The following ADGRL2 variants were observed in gnomAD, a reference collection of about 807,000 sequenced individuals.
ADGRL2 encodes adhesion G protein-coupled receptor L2.
In ADGRL2, 44 loss-of-function variants were observed where a neutral mutation model predicts 157.4. The ratio of observed to expected loss-of-function variants is 0.28; its 90% CI spans 0.22 to 0.36. The LOEUF is 0.36. ADGRL2 is among the 10% of genes least tolerant of loss of function. The pLI is 1.00. For missense variants in ADGRL2, 1,510 were observed against 1,768.9 expected, an observed-to-expected ratio of 0.85 and a Z score of 2.63; for synonymous variants, 585 against 624.7, an observed-to-expected ratio of 0.94 and a Z score of 0.95.
At chr1:81,782,500 T>C (rs1280153290) in intron 2 of ADGRL2, among the ~76,000 whole-genome samples, 2 of 152,204 alleles carry the variant, frequency 1.3e-5, no homozygotes, top group African/African-American at 4.8e-5. Flanking sequence ...TAACTAGTAA[T>C]AGATGTTAGT....
intron 2 of ADGRL2, among the ~76,000 whole-genome samples, chr1:81,856,903 T>C (rs1172188838): frequency 6.6e-6 from 1 of 152,186 alleles, no homozygotes; most frequent in African/African-American, 2.4e-5. Context: ...TGTTTAATCA[T>C]TAAATAATAA....
chr1:81,986,753 G>A, intron 21 of ADGRL2, 148 bp from the exon 22 acceptor site: 1 of 723,016 alleles, frequency 1.4e-6, no homozygotes, highest in Non-Finnish European at 2.3e-6. Context: ...TTCAAATACA[G>A]TCAGAACATT....
intron 2 of ADGRL2, among the ~76,000 whole-genome samples, chr1:81,874,473 ATAAAT>A (rs1411580219): frequency 6.6e-6 from 1 of 152,200 alleles, no homozygotes; most frequent in Non-Finnish European, 1.5e-5. Flanking sequence ...GAAATTAGTC[ATAAAT>A]TAAATTGTTA....
chr1:81,501,661 C>T (rs571955639), intron 2 of ADGRL2: 46 of 1,448,408 alleles, frequency 3.2e-5, no homozygotes, highest in Non-Finnish European at 4.0e-5. Context: ...CCGCCTCCTC[C>T]GCCACCCGAA....
intron 1 of ADGRL2, among the ~76,000 whole-genome samples, chr1:81,319,159 C>T (rs181162154): frequency 6.6e-6 from 1 of 151,250 alleles, no homozygotes; most frequent in East Asian, 1.9e-4. Flanking sequence ...GTTGGTCAGG[C>T]TGGTCTTGAA....
chr1:81,586,627 A>T (rs1210391897), intron 3 of ADGRL2, among the ~76,000 whole-genome samples: 1 of 152,146 alleles, frequency 6.6e-6, no homozygotes, highest in East Asian at 1.9e-4. Context: ...TTATTTAGAA[A>T]AAGCTAAAAA....
chr1:81,693,305 C>T (rs1011452926), intron 3 of ADGRL2, among the ~76,000 whole-genome samples: 19 of 152,304 alleles, frequency 1.2e-4, no homozygotes, highest in Non-Finnish European at 1.8e-4. Context: ...CTTAAAGTTC[C>T]CCTGCTCTCT....
chr1:81,466,532 C>T (rs1376342023), intron 2 of ADGRL2, among the ~76,000 whole-genome samples: 1 of 152,140 alleles, frequency 6.6e-6, no homozygotes, highest in Non-Finnish European at 1.5e-5. Flanking sequence ...TTGCTATAAC[C>T]ACTTCTCAGT....
At chr1:81,426,256 G>C (rs1215432842) in intron 1 of ADGRL2, among the ~76,000 whole-genome samples, 3 of 152,170 alleles carry the variant, frequency 2.0e-5, no homozygotes, top group African/African-American at 7.2e-5. Flanking sequence ...TATAGGGCAA[G>C]ACACCTGTCA....
intron 1 of ADGRL2, among the ~76,000 whole-genome samples, chr1:81,344,076 A>C (rs906564569): frequency 5.3e-5 from 8 of 151,968 alleles, no homozygotes; most frequent in African/African-American, 1.9e-4. Context: ...AGAAAAAAAA[A>C]TTTTTCTTTT....
chr1:81,436,501 G>A (rs6692307), intron 1 of ADGRL2, among the ~76,000 whole-genome samples: 2,719 of 152,148 alleles, frequency 0.018, 56 homozygotes, highest in African/African-American at 0.05. Context: ...GTGACTAAGC[G>A]TATAGCCATG....
chr1:81,479,380 G>A lies in ADGRL2; in HGVS notation c.-248+34291G>A, dbSNP rs894598752. ...CACCTGTAATCCCAGCTGCTCGGGA[G>A]GCTGAGGCAGGAGAATCACTTGAAC... is the stretch of plus-strand genomic sequence containing the variant. On this transcript the variant is annotated intron_variant, in intron 2 of 24. Transcript: ENST00000370721. 5.3e-5 allele frequency among the ~76,000 whole-genome samples: 8 copies of A among 152,058 alleles called. No individual in the cohort carries two copies. The East Asian group carries it at 1.5e-3, about 29-fold the overall frequency.
chr1:81,336,775 C>T (rs1451636590), intron 1 of ADGRL2, among the ~76,000 whole-genome samples: 1 of 152,078 alleles, frequency 6.6e-6, no homozygotes, highest in Non-Finnish European at 1.5e-5. Flanking sequence ...GGTGAGGGCC[C>T]CACCCTCGAG....
rs368113883 is a variant in ADGRL2, at chr1:81,678,688, G to A, written c.-142-83123G>A. Among the ~76,000 whole-genome samples, 9 of 152,280 alleles carry A rather than the reference G, an allele frequency of 5.9e-5. No individual in the cohort carries two copies. In the East Asian group the frequency reaches 1.2e-3, roughly 20 times the overall value. ...ACTTTGCCACTACCTCTCAGAGTTC[G>A]CATTAAGCATGCTCTGTATCTTGTC... On this transcript the variant is annotated intron_variant, in intron 3 of 24. Transcript: ENST00000370721.
chr1:81,407,296 G>A (rs902702669), intron 1 of ADGRL2, among the ~76,000 whole-genome samples: 12 of 152,158 alleles, frequency 7.9e-5, no homozygotes, highest in African/African-American at 2.9e-4. Context: ...GGAGGTCAGT[G>A]GGGGAACAAG....
chr1:81,607,838 A>C (rs1446555617), intron 3 of ADGRL2, among the ~76,000 whole-genome samples: 2 of 152,190 alleles, frequency 1.3e-5, no homozygotes, highest in Non-Finnish European at 2.9e-5. Flanking sequence ...AGAAAATTTA[A>C]CTACTTCTGA....
chr1:81,808,899 T>G (rs2089502912), intron 1 of ADGRL2, among the ~76,000 whole-genome samples: 1 of 152,082 alleles, frequency 6.6e-6, no homozygotes, highest in Admixed American at 6.6e-5. Flanking sequence ...CGGCTGTTTT[T>G]AGGTCATGAA....
chr1:81,535,821 C>A (rs77533154), intron 2 of ADGRL2, among the ~76,000 whole-genome samples: 2,974 of 152,158 alleles, frequency 0.02, 94 homozygotes, highest in African/African-American at 0.068. Context: ...ATGGCTCCTG[C>A]AAAGTAGGTT....
chr1:81,381,461 A>C (rs1016628181), intron 1 of ADGRL2, among the ~76,000 whole-genome samples: 1 of 152,164 alleles, frequency 6.6e-6, no homozygotes, highest in African/African-American at 2.4e-5. Flanking sequence ...CTGTAGTCCC[A>C]GTTACTCAAG....
Sources: gnomAD v4.1 joint callset for allele counts (sites outside exome capture counted in the v4.1 genomes callset) on GRCh38, gnomAD v4.1.1 for gene constraint, MANE v1.5 for transcripts, NCBI Gene and HGNC (gene_info 2026-07-23, HGNC 2026-07-21) for gene names.